FBXL19: variants seen among roughly 807,000 people sequenced by gnomAD.
FBXL19 encodes F-box/LRR-repeat protein 19.
In FBXL19, 16 loss-of-function variants were observed where a neutral mutation model predicts 71.2. That is an observed-to-expected ratio of 0.22 (90% CI 0.15 to 0.34). The LOEUF is 0.34. Among genes scored for constraint, FBXL19 ranks in the 10% least tolerant of loss-of-function variants. The pLI is 1.00. For missense variants in FBXL19, 658 were observed against 968.2 expected, an observed-to-expected ratio of 0.68 and a Z score of 4.25; for synonymous variants, 447 against 409.4, an observed-to-expected ratio of 1.09 and a Z score of -1.11.
intron 7 of FBXL19, among the ~76,000 whole-genome samples, chr16:30,935,018 G>A (rs2055716400): frequency 6.6e-6 from 1 of 152,318 alleles, no homozygotes; most frequent in African/African-American, 2.4e-5. Context: ...CCCCCGAGTA[G>A]AGAACGAGGC....
At chr16:30,935,200 G>T (rs1467494535) in intron 7 of FBXL19, among the ~76,000 whole-genome samples, 5 of 152,196 alleles carry the variant, frequency 3.3e-5, no homozygotes, top group African/African-American at 9.6e-5. Flanking sequence ...CAGCTTCCAG[G>T]CAGGGACTTG....
chr16:30,947,527 G>C lies in FBXL19; in HGVS notation c.*297G>C. ...TGAGCCGAAGGGACGGTGGGAGGGG[G>C]GTTATGGTGCAAGTGTTGGGGGGGA... is the stretch of plus-strand genomic sequence containing the variant. On this transcript the variant is annotated 3_prime_UTR_variant, in exon 11 of 11. Transcript: ENST00000338343. The C allele has an allele frequency of 2.4e-6, 1 of 420,454 alleles. No homozygotes were observed. Among genetic ancestry groups the C allele is most frequent in the Non-Finnish European group, 4.4e-6 (1 of 227,890 alleles). 26.0% of individuals were successfully genotyped at this position (420,454 alleles called of 1,614,324 possible).
chr16:30,945,544 T>G (rs1186948106), intron 9 of FBXL19, among the ~76,000 whole-genome samples: 1 of 151,060 alleles, frequency 6.6e-6, no homozygotes, highest in Non-Finnish European at 1.5e-5. Flanking sequence ...ATGCTTTTAA[T>G]CCCAACTACT....
intron 6 of FBXL19, among the ~76,000 whole-genome samples, chr16:30,929,581 C>A (rs919738479): frequency 6.7e-6 from 1 of 150,356 alleles, no homozygotes; most frequent in Non-Finnish European, 1.5e-5. Context: ...ATTTTTGAGA[C>A]AGAGTCTCGC....
At chr16:30,943,013 A>G (rs564270823) in intron 9 of FBXL19, among the ~76,000 whole-genome samples, 8 of 152,198 alleles carry the variant, frequency 5.3e-5, no homozygotes, top group Admixed American at 1.3e-4. Context: ...CCCTCCTGCC[A>G]GGGTCTCCAG....
rs2055581235 is a variant in FBXL19 at position 30,925,618 on chromosome 16, C to T, written c.-24-113C>T. On this transcript the variant is annotated intron_variant, in intron 1 of 10. Transcript: ENST00000338343. The surrounding 1 kb of genome is among the most constrained non-coding windows in gnomAD (Gnocchi z 5.0). ...ACACAGAAGGGGGTGACCTCCTTGT[C>T]CCCCTGAGGAAGAGGGCAGGCTCTA... 2.5e-6 allele frequency: 3 copies of T among 1,180,874 alleles called. No homozygotes were observed. The South Asian group carries it at 5.7e-5, about 22-fold the overall frequency. 73.1% of individuals were successfully genotyped at this position (1,180,874 alleles called of 1,614,324 possible). A position where few individuals can be genotyped will look rare whatever the true frequency, so the allele number is the denominator to read the frequency against.
At position 30,945,288 on chromosome 16, in the gene FBXL19, C is replaced by T. The variant is rs547406269; in HGVS notation, c.1628-1442C>T. On this transcript the variant is annotated intron_variant, in intron 9 of 10. Coordinates refer to ENST00000338343, the MANE Select transcript of FBXL19 (RefSeq NM_001382779.1). ...GTAAACAGGAATGATGATCAGAGAT[C>T]TTGTCTCCCAAGGCTGTGGTTCTTA... Among the ~76,000 whole-genome samples, 7 of 152,252 alleles carry T rather than the reference C, an allele frequency of 4.6e-5. No individual in the cohort carries two copies. The East Asian group carries it at 1.3e-3, about 29-fold the overall frequency.
chr16:30,943,367 A>ATTTTTT (rs34002102), intron 9 of FBXL19, among the ~76,000 whole-genome samples: 2 of 67,580 alleles, frequency 3.0e-5, no homozygotes, highest in African/African-American at 5.6e-5. Context: ...TTTTTTTGTA[A>ATTTTTT]TTTTTTTTTT....
At position 30,942,458 on chromosome 16, in the gene FBXL19, C is replaced by T; in HGVS notation, c.1549C>T (p.Leu517=). ...AGCCCCACTGCCAGCCCTGCGGCTCCTGGACCTCCGCTGGATCGAGGATGT... is the reference window on the plus strand; with the variant it reads ...AGCCCCACTGCCAGCCCTGCGGCTCTTGGACCTCCGCTGGATCGAGGATGT... ...GSAPLPALRL[L]DLRWIEDVKD... The change falls in exon 9 of 11, where the codon CTG becomes TTG. Residue 517 remains leucine (L), a synonymous_variant. Coordinates refer to ENST00000338343, the MANE Select transcript of FBXL19 (RefSeq NM_001382779.1). The surrounding 1 kb of genome is among the most constrained non-coding windows in gnomAD (Gnocchi z 5.7). 1.2e-6 allele frequency: 2 copies of T among 1,605,184 alleles called. No individual in the cohort carries two copies. The highest frequency in any genetic ancestry group is 1.7e-6 in the Non-Finnish European group (2 of 1,176,230).
intron 7 of FBXL19, among the ~76,000 whole-genome samples, chr16:30,937,596 G>C (rs2055753181): frequency 1.3e-5 from 2 of 152,130 alleles, no homozygotes; most frequent in Non-Finnish European, 2.9e-5. Flanking sequence ...TACAAGAGCA[G>C]GGGGACTGAT....
At chr16:30,943,202 GT>G (rs1470840572) in intron 9 of FBXL19, among the ~76,000 whole-genome samples, 5 of 151,996 alleles carry the variant, frequency 3.3e-5, no homozygotes, top group Non-Finnish European at 1.5e-5. Context: ...GTTTGTTTTT[GT>G]TTTTTGAGAC....
chr16:30,923,187 C>T (rs1364662192), upstream of FBXL19: 2 of 456,558 alleles, frequency 4.4e-6, no homozygotes, highest in Non-Finnish European at 8.8e-6. Flanking sequence ...GACAGGAGGG[C>T]GTGTGAGTGC....
chr16:30,924,524 C>A, intron 1 of FBXL19, 65 bp downstream of exon 1: 1 of 1,042,134 alleles, frequency 9.6e-7, no homozygotes, highest in Non-Finnish European at 1.3e-6. Flanking sequence ...TCATCCTCAG[C>A]CCGGCCTCTC....
At chr16:30,927,055 AT>A (rs1160835260) in intron 2 of FBXL19, among the ~76,000 whole-genome samples, 1 of 152,160 alleles carries the variant, frequency 6.6e-6, no homozygotes, top group Non-Finnish European at 1.5e-5. Flanking sequence ...TCTCTCGCGT[AT>A]TATTTTGCTC....
chr16:30,923,381 A>G (rs1596647707), upstream of FBXL19: 1 of 373,356 alleles, frequency 2.7e-6, no homozygotes, highest in Non-Finnish European at 5.4e-6. Flanking sequence ...CCAGCGTCCT[A>G]TTGTTCCCCC....
chr16:30,944,519 C>CTTGTTCTTTT lies in FBXL19; in HGVS notation c.1627+1986_1627+1995dup, dbSNP rs898146955. Among the ~76,000 whole-genome samples, 11 of 152,214 alleles carry CTTGTTCTTTT rather than the reference C, an allele frequency of 7.2e-5. No individual in the cohort carries two copies. The East Asian group carries it at 1.9e-3, about 27-fold the overall frequency. ...TCCATGTTCCTGTAAAGGACATGAT[C>CTTGTTCTTTT]TTGTTCTTTTTTATGGCTGCATAGT... On this transcript the variant is annotated intron_variant, in intron 9 of 10. Transcript: ENST00000338343.
rs34400730 is a variant in FBXL19 at position 30,934,657 on chromosome 16, C to CAA, written c.1301+4083_1301+4084dup. On this transcript the variant is annotated intron_variant, in intron 7 of 10. Transcript: ENST00000338343. ...TGGCCAACAGAGCAAGACCCTGTCT[C>CAA]AAAAAAAAAAATGTGGAATGGCTTG... Among the ~76,000 whole-genome samples, 120 of 148,528 alleles carry CAA rather than the reference C, an allele frequency of 8.1e-4. 1 individual carries two copies. The highest frequency in any genetic ancestry group is 3.4e-3 in the Middle Eastern group (1 of 290).
intron 1 of FBXL19, chr16:30,924,677 G>A: frequency 6.9e-7 from 1 of 1,453,926 alleles, no homozygotes; most frequent in South Asian, 1.5e-5. Context: ...CCCGCCTGCA[G>A]TCGCCGCCCT....
intron 5 of FBXL19, 80 bp from the exon 6 acceptor site, chr16:30,928,387 G>A: frequency 2.2e-6 from 3 of 1,370,976 alleles, no homozygotes; most frequent in Non-Finnish European, 1.9e-6. Context: ...CTAAGAGGAG[G>A]GCATGGACCT....
Sources: gnomAD v4.1 joint callset for allele counts (sites outside exome capture counted in the v4.1 genomes callset) on GRCh38, gnomAD v4.1.1 for gene constraint, Gnocchi (gnomAD v3.1) non-coding constraint, MANE v1.5 for transcripts, NCBI Gene and HGNC (gene_info 2026-07-23, HGNC 2026-07-21) for gene names.